IGF2R: variants seen among roughly 807,000 people sequenced by gnomAD.
IGF2R encodes insulin like growth factor 2 receptor.
A neutral mutation model predicts 270.6 loss-of-function variants in IGF2R; 91 were observed. That is an observed-to-expected ratio of 0.34 (90% confidence interval 0.28 to 0.40). IGF2R has a LOEUF of 0.40. Among genes scored for constraint, IGF2R ranks in the 10% least tolerant of loss-of-function variants. The pLI is 1.00. For synonymous variants in IGF2R, 1,316 were observed against 1,258.9 expected (o/e 1.05, Z -0.96); for missense variants, 2,805 against 3,188.3 (o/e 0.88, Z 2.90).
In IGF2R at chr6:160,090,022, A is replaced by T. The variant is rs370070074; in HGVS notation, c.6574A>T (p.Asn2192Tyr). ...SSRNPACSGA[N>Y]ICQVKPNDQH... The stretch of plus-strand genomic sequence containing the variant: ...CAGAAACCCGGCGTGCTCTGGAGCC[A>T]ACATATGCCAGGTGAAGCCCAACGA... Residue 2192 changes from asparagine (N) to tyrosine (Y), a missense_variant, in exon 44 of 48, where the codon AAC becomes TAC. Physicochemically the swap from Asn to Tyr is moderately radical, Grantham distance 143 (BLOSUM62 -2). This residue lies in a region of IGF2R where 1,851 missense variants were observed against 2,207.2 expected (regional missense o/e 0.84). Transcript: ENST00000356956. 9 of 1,605,184 alleles carry T rather than the reference A, an allele frequency of 5.6e-6. No homozygotes were observed. The African/African-American group carries it at 1.2e-4, about 21-fold the overall frequency.
Position 160,085,892 on chromosome 6 carries a change from G to T in IGF2R, c.6205+761G>T, listed in dbSNP as rs138333581. Among the ~76,000 whole-genome samples the T allele has an allele frequency of 4.6e-3, 694 of 152,320 alleles. 3 individuals carry two copies. Among genetic ancestry groups the T allele is most frequent in the African/African-American group, 0.014 (600 of 41,568 alleles). ...CCATACAGGAAGTGGCGCCCAGACC[G>T]CCAGCCTGAGACCCGCCCTCCCTGG... is the stretch of plus-strand genomic sequence containing the variant. On this transcript the variant is annotated intron_variant, in intron 41 of 47. Transcript: ENST00000356956.
chr6:160,000,340 G>C (rs1051758231), intron 2 of IGF2R, among the ~76,000 whole-genome samples: 1 of 152,176 alleles, frequency 6.6e-6, no homozygotes, highest in African/African-American at 2.4e-5. Flanking sequence ...GGTGACAGGA[G>C]AGGAGTGGGG....
Position 160,062,602 on chromosome 6 carries a change from C to T in IGF2R, c.3653C>T (p.Pro1218Leu). 1 of 1,613,348 alleles carries T rather than the reference C, an allele frequency of 6.2e-7. No individual in the cohort carries two copies. The highest frequency in any genetic ancestry group is 1.1e-5 in the South Asian group (1 of 91,038). Reference sequence around the variant, plus strand: ...ATCTGGAGAACTGTGGAAGCCTGTCCCGTTGTCAGAGTGGAAGGTAGGACT... The same window carrying T: ...ATCTGGAGAACTGTGGAAGCCTGTCTCGTTGTCAGAGTGGAAGGTAGGACT... ...VFIWRTVEAC[P>L]VVRVEGDNCE... Residue 1218 changes from proline (P) to leucine (L), a missense_variant, in exon 26 of 48, where the codon CCC becomes CTC. Physicochemically the swap from Pro to Leu is moderately conservative, Grantham distance 98. Around this residue, in one of 2 missense-constraint regions of IGF2R, gnomAD observed 1,851 missense variants for 2,207.2 expected, o/e 0.84. Transcript: ENST00000356956.
At position 160,059,052 on chromosome 6, in the gene IGF2R, A is replaced by AGAGG; in HGVS notation, c.3047_3050dup (p.Phe1018GlyfsTer18). The AGAGG allele has an allele frequency of 6.2e-7, 1 of 1,614,242 alleles. No individual in the cohort carries two copies. Among genetic ancestry groups the AGAGG allele is most frequent in the South Asian group, 1.1e-5 (1 of 91,084 alleles). On this transcript the variant is annotated frameshift_variant, in exon 22 of 48. Coordinates refer to ENST00000356956, the MANE Select transcript of IGF2R (RefSeq NM_000876.4). LOFTEE classifies it high-confidence loss of function. ...TTGAGAAAAGCCTCCAGCTGTCCACAGAGGGCTTCATCACTCTGACCTACA... is the reference window on the plus strand; with the variant it reads ...TTGAGAAAAGCCTCCAGCTGTCCACAGAGGGAGGGCTTCATCACTCTGACCTACA...
At position 160,055,456 on chromosome 6, in the gene IGF2R, G is replaced by A. The variant is rs57525154; in HGVS notation, c.2695-968G>A. ...ACACTCACTGAAGGAAGAAAGGGCC[G>A]CTCTCCCAGGGGTTTGCAGTCACAG... On this transcript the variant is annotated intron_variant, in intron 19 of 47. Transcript: ENST00000356956. Among the ~76,000 whole-genome samples the A allele has an allele frequency of 6.2e-3, 942 of 152,270 alleles. 8 individuals carry two copies. Among genetic ancestry groups the A allele is most frequent in the African/African-American group, 0.021 (891 of 41,550 alleles).
intron 1 of IGF2R, among the ~76,000 whole-genome samples, chr6:159,988,911 G>A (rs1465324867): frequency 3.3e-5 from 5 of 152,238 alleles, no homozygotes; most frequent in Non-Finnish European, 4.4e-5. Flanking sequence ...AAAGGTTAAC[G>A]AAGGGCAAAG....
In IGF2R at chr6:160,111,222, G is replaced by A. The variant is rs1779732354; in HGVS notation, c.*6138G>A. 6.6e-6 allele frequency: 1 copy of A among 151,294 alleles called. No individual in the cohort carries two copies. The highest frequency in any genetic ancestry group is 6.6e-5 in the Admixed American group (1 of 15,202). 9.4% of individuals were successfully genotyped at this position (151,294 alleles called of 1,614,324 possible). ...AACAATACAGGTTTGAACTCTGTGG[G>A]TCCACTTACATGCGGTTTTTTTTTT... On this transcript the variant is annotated 3_prime_UTR_variant, in exon 48 of 48. Coordinates refer to ENST00000356956, the MANE Select transcript of IGF2R (RefSeq NM_000876.4).
intron 10 of IGF2R, among the ~76,000 whole-genome samples, chr6:160,035,443 A>G (rs1777797729): frequency 6.6e-6 from 1 of 152,122 alleles, no homozygotes; most frequent in Non-Finnish European, 1.5e-5. Flanking sequence ...GTTGGGAGAG[A>G]CAGGCACCCC....
At chr6:160,059,625 G>T (rs373033013) in intron 22 of IGF2R, among the ~76,000 whole-genome samples, 1 of 152,202 alleles carries the variant, frequency 6.6e-6, no homozygotes, top group East Asian at 1.9e-4. Context: ...TCACTTCCCA[G>T]CTCAGAGCCC....
intron 13 of IGF2R, among the ~76,000 whole-genome samples, chr6:160,045,435 CATT>C (rs530982388): frequency 9.0e-4 from 137 of 152,234 alleles, no homozygotes; most frequent in African/African-American, 3.3e-3. Flanking sequence ...AGCTTGGTGA[CATT>C]GTTGTGTAAT....
chr6:160,027,094 A>G lies in IGF2R; in HGVS notation c.647-91A>G, dbSNP rs374354040. On this transcript the variant is annotated intron_variant, in intron 5 of 47. Coordinates refer to ENST00000356956, the MANE Select transcript of IGF2R (RefSeq NM_000876.4). ...ACTTAGGGAGACTTTTAGGAATTCA[A>G]TAATGTATTTAAAGGGACCCTGGGT... The G allele has an allele frequency of 2.4e-5, 34 of 1,401,712 alleles. No individual in the cohort carries two copies. The African/African-American group carries it at 3.1e-4, about 13-fold the overall frequency. The allele number at this position is 1,401,712 out of a possible 1,614,324, so 86.8% of individuals were successfully genotyped here. A position where few individuals can be genotyped will look rare whatever the true frequency, so the allele number is the denominator to read the frequency against.
chr6:159,991,858 G>A (rs8191710), intron 2 of IGF2R, among the ~76,000 whole-genome samples: 2,124 of 152,276 alleles, frequency 0.014, 50 homozygotes, highest in African/African-American at 0.049. Context: ...CCTAGGGTTC[G>A]TTTCATTCCC....
chr6:160,047,821 G>T lies in IGF2R; in HGVS notation c.2259G>T (p.Arg753=), dbSNP rs369356834. Residue 753 remains arginine, a synonymous_variant, in exon 17 of 48, where the codon CGG becomes CGT. Coordinates refer to ENST00000356956, the MANE Select transcript of IGF2R (RefSeq NM_000876.4). ...QEEDNSTYNF[R]WYTSYACPEE... The stretch of plus-strand genomic sequence containing the variant: ...AGGATAACTCCACCTACAACTTCCG[G>T]TGGTACACCAGCTATGCCTGCCCGG... 1 of 1,614,020 alleles carries T rather than the reference G, an allele frequency of 6.2e-7. No homozygotes were observed. The highest frequency in any genetic ancestry group is 8.5e-7 in the Non-Finnish European group (1 of 1,179,848).
intron 1 of IGF2R, among the ~76,000 whole-genome samples, chr6:159,972,801 T>C (rs921120702): frequency 6.6e-5 from 10 of 152,230 alleles, no homozygotes; most frequent in African/African-American, 1.9e-4. Context: ...GGGCCTGCCC[T>C]CTGAGTTGTG....
At chr6:160,025,301 C>T (rs531878859) in intron 5 of IGF2R, among the ~76,000 whole-genome samples, 5 of 152,312 alleles carry the variant, frequency 3.3e-5, no homozygotes, top group African/African-American at 1.2e-4. Flanking sequence ...TTCTAAAACC[C>T]AGCTTGATGT....
intron 10 of IGF2R, among the ~76,000 whole-genome samples, chr6:160,037,019 A>G (rs543164783): frequency 1.3e-5 from 2 of 152,288 alleles, no homozygotes; most frequent in East Asian, 3.9e-4. Context: ...AGAAATTTAC[A>G]TGCCTGCCAC....
chr6:160,008,971 T>C, intron 2 of IGF2R, 39 bp from the exon 3 acceptor site: 2 of 1,607,758 alleles, frequency 1.2e-6, no homozygotes, highest in African/African-American at 1.3e-5. Flanking sequence ...TGGTTATGTA[T>C]GTTTTATAGC....
At position 160,063,545 on chromosome 6, in the gene IGF2R, A is replaced by C. The variant is rs774540945; in HGVS notation, c.3801A>C (p.Ser1267=). Residue 1267 remains serine (S), a synonymous_variant, in exon 27 of 48, where the codon TCA becomes TCC. Coordinates refer to ENST00000356956, the MANE Select transcript of IGF2R (RefSeq NM_000876.4). The stretch of plus-strand genomic sequence containing the variant: ...TCCGGGTCTGTGGGAAGCTTTCCTC[A>C]GACGTCTGCCCCACAAGTGACAAGT... ...YYFRVCGKLS[S]DVCPTSDKSK... is the part of the protein sequence containing the mutation. 5 of 1,614,128 alleles carry C rather than the reference A, an allele frequency of 3.1e-6. No homozygotes were observed. The highest frequency in any genetic ancestry group is 4.2e-6 in the Non-Finnish European group (5 of 1,180,038).
intron 1 of IGF2R, among the ~76,000 whole-genome samples, chr6:159,989,200 G>T (rs1583244640): frequency 6.6e-6 from 1 of 152,160 alleles, no homozygotes; most frequent in Admixed American, 6.5e-5. Flanking sequence ...TGGCAGGGGG[G>T]TTTGATGGGT....
Sources: allele counts gnomAD v4.1 joint callset (sites outside exome capture counted in the v4.1 genomes callset), GRCh38; gene constraint gnomAD v4.1.1; regional missense constraint gnomAD v4.1.1; transcripts MANE v1.5; gene names NCBI Gene and HGNC (gene_info 2026-07-23, HGNC 2026-07-21).